HK1: variants seen among roughly 807,000 people sequenced by gnomAD.
HK1 encodes hexokinase-1.
Under a neutral mutation model 91.6 loss-of-function variants are expected in HK1, and 28 were observed. The observed-to-expected ratio is 0.31, with a 90% CI of 0.23 to 0.42. The LOEUF is 0.42. HK1 is among the 10% of genes least tolerant of loss of function. HK1 has a pLI of 1.00. For synonymous variants in HK1, 430 were observed against 468.1 expected (o/e 0.92, Z 1.05); for missense variants, 770 against 1,219.8 (o/e 0.63, Z 5.49).
intron 14 of HK1, among the ~76,000 whole-genome samples, chr10:69,390,636 C>T (rs1839856211): frequency 6.6e-6 from 1 of 152,216 alleles, no homozygotes; most frequent in Non-Finnish European, 1.5e-5. Flanking sequence ...ATGAAAACTA[C>T]CAAAGCCCTT....
chr10:69,396,348 C>T (rs10823360), intron 16 of HK1, among the ~76,000 whole-genome samples: 87,983 of 151,510 alleles, frequency 0.58, 25,954 homozygotes, highest in South Asian at 0.67. Context: ...AGCCTATACA[C>T]TGCTCTTACC....
rs1564508013 is a variant in HK1, at chr10:69,318,941, C to A, written c.-7C>A. 1 of 1,589,820 alleles carries A rather than the reference C, an allele frequency of 6.3e-7. No individual in the cohort carries two copies. Among genetic ancestry groups the A allele is most frequent in the Non-Finnish European group, 8.5e-7 (1 of 1,169,614 alleles). On this transcript the variant is annotated 5_prime_UTR_variant, in exon 1 of 18. Coordinates refer to ENST00000359426, the MANE Select transcript of HK1 (RefSeq NM_000188.3). ...ACGCCTGCCGCCCCGCGACCCCGAC[C>A]GCCAGCATGATCGCCGCGCAGCTCC...
chr10:69,346,028 C>T (rs1848537575), intron 2 of HK1, among the ~76,000 whole-genome samples: 2 of 152,164 alleles, frequency 1.3e-5, no homozygotes, highest in Admixed American at 6.5e-5. Flanking sequence ...AAAGACATTG[C>T]TGTTGATGCT....
intron 4 of HK1, among the ~76,000 whole-genome samples, chr10:69,296,747 G>C (rs1368427532): frequency 6.6e-6 from 1 of 152,164 alleles, no homozygotes; most frequent in East Asian, 1.9e-4. Context: ...GAAAAAGCTG[G>C]GGAGACTGAG....
intron 1 of HK1, among the ~76,000 whole-genome samples, chr10:69,328,723 C>G (rs548851054): frequency 6.6e-6 from 1 of 152,264 alleles, no homozygotes. Context: ...CAAGGTTGTC[C>G]GAGCACCATC....
chr10:69,339,234 G>A (rs1848175277), intron 1 of HK1, among the ~76,000 whole-genome samples: 1 of 152,248 alleles, frequency 6.6e-6, no homozygotes, highest in Admixed American at 6.5e-5. Flanking sequence ...TCCTGCACCA[G>A]GTGCCTGCCT....
Position 69,369,555 on chromosome 10 carries a change from C to T in HK1, c.806C>T (p.Ser269Leu), listed in dbSNP as rs1321128681. The change falls in exon 7 of 18, where the codon TCA becomes TTA. Residue 269 changes from serine to leucine, a missense_variant. Ser to Leu is a moderately radical substitution (Grantham distance 145). Transcript: ENST00000359426. The surrounding 1 kb of genome is among the most constrained non-coding windows in gnomAD (Gnocchi z 4.4). ...TEWGAFGDDGSLEDIRTEFDR... is the reference protein window; with the variant it reads ...TEWGAFGDDGLLEDIRTEFDR... ...TGGGGAGCCTTTGGAGACGATGGAT[C>T]ATTAGAAGACATCCGGACAGAGTTT... 1.2e-6 allele frequency: 2 copies of T among 1,614,194 alleles called. No individual in the cohort carries two copies. The highest frequency in any genetic ancestry group is 2.2e-5 in the South Asian group (2 of 91,082).
rs185438801 is a variant in HK1, at chr10:69,357,718, G to T, written c.227-2179G>T. ...TCCACCTGCCTCAGCCTCCCAAAGT[G>T]CTGGGATTACAGGCATGAGCCACCG... is the stretch of plus-strand genomic sequence containing the variant. On this transcript the variant is annotated intron_variant, in intron 2 of 17. Transcript: ENST00000359426. Among the ~76,000 whole-genome samples, 491 of 152,254 alleles carry T rather than the reference G, an allele frequency of 3.2e-3. 1 individual carries two copies. Among genetic ancestry groups the T allele is most frequent in the African/African-American group, 0.011 (453 of 41,552 alleles).
At chr10:69,318,479 G>A (rs1176969581), upstream of HK1, among the ~76,000 whole-genome samples, 1 of 152,190 alleles carries the variant, frequency 6.6e-6, no homozygotes, top group Non-Finnish European at 1.5e-5. Context: ...CGGCGGAGCC[G>A]GGCGGTGCCT....
chr10:69,309,450 G>A (rs1846255529), intron 5 of HK1, among the ~76,000 whole-genome samples: 1 of 137,176 alleles, frequency 7.3e-6, no homozygotes, highest in African/African-American at 2.8e-5. Flanking sequence ...TAAAGTGCTG[G>A]GATTACAGGT....
At chr10:69,358,433 A>T (rs1849243075) in intron 2 of HK1, among the ~76,000 whole-genome samples, 1 of 152,220 alleles carries the variant, frequency 6.6e-6, no homozygotes, top group African/African-American at 2.4e-5. Context: ...TACTTTGGCC[A>T]CTGGTACTTT....
intron 2 of HK1, among the ~76,000 whole-genome samples, chr10:69,287,023 C>T (rs1279739308): frequency 6.6e-6 from 1 of 152,088 alleles, no homozygotes; most frequent in African/African-American, 2.4e-5. Flanking sequence ...TTGTATTAGT[C>T]TGTTTTCGCA....
chr10:69,294,851 G>C (rs144185238), intron 3 of HK1, among the ~76,000 whole-genome samples: 1 of 151,844 alleles, frequency 6.6e-6, no homozygotes, highest in Non-Finnish European at 1.5e-5. Flanking sequence ...AACAGAGCGA[G>C]ACTCCATCTC....
chr10:69,276,518 G>A (rs1297914878), intron 1 of HK1, among the ~76,000 whole-genome samples: 7 of 151,888 alleles, frequency 4.6e-5, no homozygotes, highest in African/African-American at 7.2e-5. Context: ...AATTAGCCGG[G>A]TGTGGTAGTG....
intron 1 of HK1, among the ~76,000 whole-genome samples, chr10:69,327,459 C>T (rs118055636): frequency 0.013 from 1,949 of 152,252 alleles, 29 homozygotes; most frequent in South Asian, 0.045. Context: ...CTAGTTAATT[C>T]ATCTATTCTG....
intron 2 of HK1, among the ~76,000 whole-genome samples, chr10:69,358,883 A>T (rs2894082): frequency 6.6e-6 from 1 of 150,486 alleles, no homozygotes; most frequent in Admixed American, 6.6e-5. Context: ...AAAAAAAAAA[A>T]GGATGAAATT....
chr10:69,292,193 C>T (rs953702952), intron 3 of HK1: 3 of 264,630 alleles, frequency 1.1e-5, no homozygotes, highest in Non-Finnish European at 2.3e-5. Flanking sequence ...GCCTCAGCCT[C>T]CCAAGTAGCT....
intron 5 of HK1, among the ~76,000 whole-genome samples, chr10:69,309,583 T>G (rs1399262854): frequency 7.8e-6 from 1 of 128,542 alleles, no homozygotes; most frequent in Admixed American, 8.3e-5. Flanking sequence ...GGGCGGATCA[T>G]GAGGTCAGGA....
upstream of HK1, among the ~76,000 whole-genome samples, chr10:69,314,824 T>G (rs535017065): frequency 6.6e-6 from 1 of 152,290 alleles, no homozygotes; most frequent in South Asian, 2.1e-4. Flanking sequence ...CTTGCCACTA[T>G]GCCCAGCTAA....
Sources: allele counts gnomAD v4.1 joint callset (sites outside exome capture counted in the v4.1 genomes callset), GRCh38; gene constraint gnomAD v4.1.1; non-coding constraint Gnocchi (gnomAD v3.1); transcripts MANE v1.5; gene names NCBI Gene and HGNC (gene_info 2026-07-23, HGNC 2026-07-21).